Variants in PPP4R2 observed in about 807,000 individuals in gnomAD.
The protein encoded by PPP4R2 is protein phosphatase 4 regulatory subunit 2.
In PPP4R2, 13 loss-of-function variants were observed where a neutral mutation model predicts 47.2. That is an observed-to-expected ratio of 0.28 (90% CI 0.18 to 0.44). PPP4R2 has a LOEUF of 0.44. Among genes scored for constraint, PPP4R2 ranks in the 20% least tolerant of loss-of-function variants. The pLI is 1.00. For missense variants in PPP4R2, 421 were observed against 491.2 expected (o/e 0.86, Z 1.35); for synonymous variants, 151 against 163.3 (o/e 0.92, Z 0.57).
chr3:72,999,842 A>G (rs11918412), intron 2 of PPP4R2, among the ~76,000 whole-genome samples: 7,990 of 152,252 alleles, frequency 0.052, 698 homozygotes, highest in African/African-American at 0.18. Flanking sequence ...TATTCAATGG[A>G]ATTTGGAAAA....
chr3:73,062,414 A>G (rs756136152), intron 5 of PPP4R2: 2 of 1,611,290 alleles, frequency 1.2e-6, no homozygotes, highest in Non-Finnish European at 1.7e-6. Flanking sequence ...AGTCTATGCT[A>G]GACCCAGCAC....
At chr3:73,053,341 C>G (rs777213669) in intron 3 of PPP4R2, among the ~76,000 whole-genome samples, 1 of 152,046 alleles carries the variant, frequency 6.6e-6, no homozygotes, top group African/African-American at 2.4e-5. Flanking sequence ...ACCATCCCTC[C>G]TTACTATTCC....
At chr3:73,048,308 A>G (rs1163934944) in intron 3 of PPP4R2, among the ~76,000 whole-genome samples, 1 of 152,194 alleles carries the variant, frequency 6.6e-6, no homozygotes, top group Non-Finnish European at 1.5e-5. Flanking sequence ...GGTGGAGTGC[A>G]GTGGCATGAT....
intron 4 of PPP4R2, among the ~76,000 whole-genome samples, chr3:73,059,750 C>T (rs1245442461): frequency 1.3e-5 from 2 of 151,896 alleles, no homozygotes; most frequent in Non-Finnish European, 2.9e-5. Flanking sequence ...GGCTGGCCAA[C>T]ATGGTGAAAC....
At chr3:73,004,551 C>G (rs890698894) in intron 2 of PPP4R2, among the ~76,000 whole-genome samples, 1 of 152,134 alleles carries the variant, frequency 6.6e-6, no homozygotes, top group Non-Finnish European at 1.5e-5. Flanking sequence ...TGTCTTCCCA[C>G]CTCATCCTTC....
intron 2 of PPP4R2, among the ~76,000 whole-genome samples, chr3:73,018,446 A>ATGTTG (rs1181953945): frequency 9.5e-6 from 1 of 105,118 alleles, no homozygotes. Context: ...ATGTTATGTT[A>ATGTTG]TGTTATTTAT....
In PPP4R2 at chr3:73,004,563, C is replaced by T. The variant is rs570939262; in HGVS notation, c.116+6405C>T. Among the ~76,000 whole-genome samples, 23 of 152,182 alleles carry T rather than the reference C, an allele frequency of 1.5e-4. No homozygotes were observed. The East Asian group carries it at 2.3e-3, about 15-fold the overall frequency. On this transcript the variant is annotated intron_variant, in intron 2 of 8. Coordinates refer to ENST00000356692, the MANE Select transcript of PPP4R2 (RefSeq NM_174907.4). Reference sequence around the variant, plus strand: ...CTCTGTCTTCCCACCTCATCCTTCCCGGTAGCTGGGACTACAGGTATATGC... The same window carrying T: ...CTCTGTCTTCCCACCTCATCCTTCCTGGTAGCTGGGACTACAGGTATATGC...
intron 2 of PPP4R2, among the ~76,000 whole-genome samples, chr3:73,036,357 A>T (rs927621579): frequency 3.3e-5 from 5 of 152,210 alleles, no homozygotes; most frequent in African/African-American, 7.2e-5. Context: ...TATAGTTAAC[A>T]ATTTATTGTA....
In PPP4R2 at chr3:73,055,895, C is replaced by T. The variant is rs369586949; in HGVS notation, c.288-3142C>T. On this transcript the variant is annotated intron_variant, in intron 3 of 8. Coordinates refer to ENST00000356692, the MANE Select transcript of PPP4R2 (RefSeq NM_174907.4). ...TCCTGGGATTACAGGCGTGAGCCAC[C>T]GTGCCTGGCCCAGGGTTTTTTATTT... 3.4e-4 allele frequency among the ~76,000 whole-genome samples: 51 copies of T among 152,158 alleles called. 1 individual carries two copies. Among genetic ancestry groups the T allele is most frequent in the South Asian group, 1.5e-3 (7 of 4,820 alleles).
chr3:73,041,141 G>A (rs922895746), intron 2 of PPP4R2, among the ~76,000 whole-genome samples: 2 of 152,034 alleles, frequency 1.3e-5, no homozygotes, highest in African/African-American at 4.8e-5. Flanking sequence ...TCAGTTTACT[G>A]ACTAATCTGT....
intron 2 of PPP4R2, among the ~76,000 whole-genome samples, chr3:73,015,321 A>G (rs1208607422): frequency 6.6e-6 from 1 of 151,574 alleles, no homozygotes; most frequent in Non-Finnish European, 1.5e-5. Flanking sequence ...CTGGGATTAC[A>G]GGTGTGTATC....
chr3:73,063,554 G>C (rs1381317823), intron 5 of PPP4R2, 119 bp from the exon 6 acceptor site: 1 of 622,900 alleles, frequency 1.6e-6, no homozygotes, highest in Non-Finnish European at 2.9e-6. Context: ...AACCTGGGAA[G>C]TGGAGGTTGC....
intron 2 of PPP4R2, among the ~76,000 whole-genome samples, chr3:73,014,000 T>C (rs1701775875): frequency 1.3e-5 from 1 of 79,682 alleles, no homozygotes; most frequent in South Asian, 3.6e-4. Context: ...ATGGGCTGCA[T>C]AATATTTTAT....
At chr3:73,062,303 A>C in intron 5 of PPP4R2, 1 of 1,607,604 alleles carries the variant, frequency 6.2e-7, no homozygotes, top group African/African-American at 1.3e-5. Context: ...CTGACCTTCA[A>C]GGAAGATTTG....
At chr3:73,010,347 G>A (rs905962586) in intron 2 of PPP4R2, among the ~76,000 whole-genome samples, 1 of 151,184 alleles carries the variant, frequency 6.6e-6, no homozygotes, top group Non-Finnish European at 1.5e-5. Flanking sequence ...CTCAGCCCCC[G>A]CCCGCAGTAG....
chr3:72,997,234 G>C, intron 1 of PPP4R2, 163 bp downstream of exon 1: 1 of 468,816 alleles, frequency 2.1e-6, no homozygotes, highest in Non-Finnish European at 3.6e-6. Context: ...GGAGCCCTGT[G>C]GGCAGCTCTC....
At chr3:73,047,088 GTTAGTA>G (rs879838394) in intron 2 of PPP4R2, 92 bp from the exon 3 acceptor site, 24 of 647,390 alleles carry the variant, frequency 3.7e-5, no homozygotes, top group African/African-American at 7.5e-5. Context: ...TCTTAATTTT[GTTAGTA>G]TTAGTGTCAT....
At chr3:73,033,956 CTG>C (rs1459081781) in intron 2 of PPP4R2, among the ~76,000 whole-genome samples, 1 of 152,170 alleles carries the variant, frequency 6.6e-6, no homozygotes. Flanking sequence ...TACGGTAGTT[CTG>C]TGTTTAACTT....
intron 2 of PPP4R2, chr3:73,015,684 CTG>C (rs1410299656): frequency 4.1e-6 from 1 of 242,158 alleles, no homozygotes; most frequent in East Asian, 1.7e-4. Context: ...GTCGCCCAGA[CTG>C]GAGTGCAGTG....
Sources: gnomAD v4.1 joint callset for allele counts (sites outside exome capture counted in the v4.1 genomes callset) on GRCh38, gnomAD v4.1.1 for gene constraint, MANE v1.5 for transcripts, NCBI Gene and HGNC (gene_info 2026-07-23, HGNC 2026-07-21) for gene names.